The following SEMA3C variants were observed in gnomAD, a reference collection of about 807,000 sequenced individuals.
The protein encoded by SEMA3C is semaphorin 3C, also known as semaphorin-3C.
A neutral mutation model predicts 89.4 loss-of-function variants in SEMA3C; 47 were observed. The observed-to-expected ratio is 0.53, with a 90% CI of 0.42 to 0.67. The LOEUF (loss-of-function observed/expected upper bound fraction) is 0.67, where lower values mean the gene tolerates loss of function less well. SEMA3C is among the 30% of genes least tolerant of loss of function. SEMA3C has a pLI of 0.00. For synonymous variants in SEMA3C, 310 were observed against 320.2 expected (o/e 0.97, Z 0.34); for missense variants, 839 against 929.1 (o/e 0.90, Z 1.26).
At chr7:80,747,497 T>C (rs369078578) in intron 17 of SEMA3C, among the ~76,000 whole-genome samples, 1 of 152,144 alleles carries the variant, frequency 6.6e-6, no homozygotes, top group Non-Finnish European at 1.5e-5. Flanking sequence ...TCTGGAAGGA[T>C]TGTTCACGTC....
intron 2 of SEMA3C, among the ~76,000 whole-genome samples, chr7:80,868,756 G>A (rs1790988778): frequency 6.6e-6 from 1 of 152,070 alleles, no homozygotes; most frequent in African/African-American, 2.4e-5. Context: ...ACAAGTAGCA[G>A]ATTGCAGGAA....
intron 2 of SEMA3C, among the ~76,000 whole-genome samples, chr7:80,891,853 A>G (rs1014719028): frequency 2.6e-5 from 4 of 152,260 alleles, no homozygotes; most frequent in African/African-American, 9.6e-5. Flanking sequence ...TGCTAAGCAG[A>G]AAAGTCATAT....
chr7:80,907,433 G>C (rs1409749906), intron 2 of SEMA3C, among the ~76,000 whole-genome samples: 1 of 152,008 alleles, frequency 6.6e-6, no homozygotes, highest in Admixed American at 6.6e-5. Flanking sequence ...CCTGCTTAAT[G>C]TTCTGGTCTC....
In SEMA3C at chr7:80,784,463, T is replaced by G. The variant is rs574370982; in HGVS notation, c.1354+4843A>C. On this transcript the variant is annotated intron_variant, in intron 12 of 17. Transcript: ENST00000265361. ...TAAATTTTAACAAAGTAGCAGCATT[T>G]TTTTTTACTCAAGATAAAAGAAGAA... Among the ~76,000 whole-genome samples, 6 of 152,118 alleles carry G rather than the reference T, an allele frequency of 3.9e-5. No individual in the cohort carries two copies. In the South Asian group the frequency reaches 1.2e-3, roughly 32 times the overall value.
At chr7:80,838,257 C>T (rs1410548025) in intron 2 of SEMA3C, among the ~76,000 whole-genome samples, 16 of 152,068 alleles carry the variant, frequency 1.1e-4, no homozygotes, top group Non-Finnish European at 2.4e-4. Flanking sequence ...ACACCACCCT[C>T]CAGAGCACTC....
In SEMA3C at chr7:80,758,344, G is replaced by A. The variant is rs769756726; in HGVS notation, c.1630C>T (p.Pro544Ser). 6 of 1,613,198 alleles carry A rather than the reference G, an allele frequency of 3.7e-6. No individual in the cohort carries two copies. In the Admixed American group the frequency reaches 8.4e-5, roughly 22 times the overall value. Residue 544 changes from proline (P) to serine (S), a missense_variant, in exon 15 of 18, where the codon CCA (proline) becomes TCA (serine). By Grantham distance (74) the Pro-to-Ser change is moderately conservative. Coordinates refer to ENST00000265361, the MANE Select transcript of SEMA3C (RefSeq NM_006379.5). ...TTTAGTGCTCACCGTTTCCCAGTTGGGTAGAATCTGGAACAGGAATGGCCA... is the reference window on the plus strand; with the variant it reads ...TTTAGTGCTCACCGTTTCCCAGTTGAGTAGAATCTGGAACAGGAATGGCCA... ...WDGHSCSRFY[P>S]TGKRRSRRQD...
At chr7:80,824,103 T>TA (rs1267550491) in intron 4 of SEMA3C, among the ~76,000 whole-genome samples, 1 of 152,164 alleles carries the variant, frequency 6.6e-6, no homozygotes, top group Non-Finnish European at 1.5e-5. Context: ...TAACGTCAAT[T>TA]AAAATTTGAT....
intron 2 of SEMA3C, among the ~76,000 whole-genome samples, chr7:80,894,050 A>G (rs994174013): frequency 6.6e-6 from 1 of 152,194 alleles, no homozygotes; most frequent in South Asian, 2.1e-4. Context: ...TTTCCCAAGG[A>G]TAAACAATCT....
chr7:80,762,260 C>T (rs1434797790), intron 13 of SEMA3C, among the ~76,000 whole-genome samples: 1 of 152,086 alleles, frequency 6.6e-6, no homozygotes. Flanking sequence ...GAATGGTACA[C>T]CATCTAATTC....
chr7:80,821,403 G>A (rs996994888), intron 4 of SEMA3C, among the ~76,000 whole-genome samples: 4 of 152,234 alleles, frequency 2.6e-5, no homozygotes, highest in Admixed American at 1.3e-4. Context: ...GTCATTGGAC[G>A]AGAAGTCCAC....
At chr7:80,832,791 A>C (rs1045272104) in intron 2 of SEMA3C, among the ~76,000 whole-genome samples, 1 of 152,206 alleles carries the variant, frequency 6.6e-6, no homozygotes, top group Non-Finnish European at 1.5e-5. Flanking sequence ...CCGGAACTCC[A>C]TTATTACTGG....
chr7:80,807,318 T>G (rs999272057), intron 6 of SEMA3C, among the ~76,000 whole-genome samples: 1 of 152,152 alleles, frequency 6.6e-6, no homozygotes, highest in Non-Finnish European at 1.5e-5. Flanking sequence ...AAGAAGTTAG[T>G]GTATGGCAGA....
In SEMA3C at chr7:80,744,730, T is replaced by A. The variant is rs944519470; in HGVS notation, c.*164A>T. On this transcript the variant is annotated 3_prime_UTR_variant, in exon 18 of 18. Transcript: ENST00000265361. ...ACATGTCTAGTGCTAGTCACTATCA[T>A]ACAAGAAAATGCATGCTCATTTCAG... The A allele has an allele frequency of 8.5e-6, 6 of 706,066 alleles. No homozygotes were observed. In the African/African-American group the frequency reaches 1.1e-4, roughly 13 times the overall value. 43.7% of individuals were successfully genotyped at this position (706,066 alleles called of 1,614,324 possible). A position where few individuals can be genotyped will look rare whatever the true frequency, so the allele number is the denominator to read the frequency against.
At chr7:80,862,112 G>T (rs1298946197) in intron 2 of SEMA3C, among the ~76,000 whole-genome samples, 1 of 152,202 alleles carries the variant, frequency 6.6e-6, no homozygotes, top group South Asian at 2.1e-4. Flanking sequence ...ACAAGAGAAA[G>T]AAATAAAGGG....
intron 2 of SEMA3C, among the ~76,000 whole-genome samples, chr7:80,847,916 G>T (rs1007587002): frequency 2.6e-5 from 4 of 152,142 alleles, no homozygotes; most frequent in African/African-American, 9.7e-5. Context: ...TAATCAGTAA[G>T]ATCGTTTCCA....
chr7:80,827,535 G>A (rs1789905560), intron 3 of SEMA3C, 48 bp from the exon 4 acceptor site: 3 of 1,474,288 alleles, frequency 2.0e-6, no homozygotes, highest in African/African-American at 1.4e-5. Context: ...CTGGACATAT[G>A]ACAGCCCAGT....
chr7:80,812,107 C>T (rs1453942008), intron 5 of SEMA3C, among the ~76,000 whole-genome samples: 2 of 152,200 alleles, frequency 1.3e-5, no homozygotes, highest in East Asian at 1.9e-4. Flanking sequence ...ATTGATCATA[C>T]TCAGGAAAAC....
intron 2 of SEMA3C, among the ~76,000 whole-genome samples, chr7:80,849,265 A>C (rs1790455981): frequency 6.6e-6 from 1 of 152,138 alleles, no homozygotes; most frequent in Admixed American, 6.5e-5. Context: ...TCCACCTACA[A>C]TTTCAAACCC....
At chr7:80,903,382 C>T (rs890474523) in intron 2 of SEMA3C, among the ~76,000 whole-genome samples, 6 of 152,126 alleles carry the variant, frequency 3.9e-5, no homozygotes, top group African/African-American at 1.4e-4. Flanking sequence ...CTTATGGGGC[C>T]AGGCACAATG....
Sources: allele counts gnomAD v4.1 joint callset (sites outside exome capture counted in the v4.1 genomes callset), GRCh38; gene constraint gnomAD v4.1.1; transcripts MANE v1.5; gene names NCBI Gene and HGNC (gene_info 2026-07-23, HGNC 2026-07-21).